VAT1L: variants seen among roughly 807,000 people sequenced by gnomAD.
VAT1L encodes putative NADPH-dependent quinone oxidoreductase VAT1L.
A neutral mutation model predicts 44.1 loss-of-function variants in VAT1L; 34 were observed. The observed-to-expected ratio is 0.77, with a 90% CI of 0.59 to 1.03. The LOEUF (loss-of-function observed/expected upper bound fraction) is 1.03, where lower values mean the gene tolerates loss of function less well. Ranked by LOEUF, VAT1L falls within the 50% of genes least tolerant of loss-of-function variation. The probability of loss-of-function intolerance (pLI) is 0.00; values close to 1 mark genes in which losing one functional copy is unlikely to be tolerated. For synonymous variants in VAT1L, 253 were observed against 202.2 expected (o/e 1.25, Z -2.13); for missense variants, 615 against 538.8 (o/e 1.14, Z -1.40).
chr16:77,821,082 GTTAC>G (rs1413358941), intron 2 of VAT1L, among the ~76,000 whole-genome samples: 1 of 152,136 alleles, frequency 6.6e-6, no homozygotes, highest in African/African-American at 2.4e-5. Flanking sequence ...ACAACGTTCA[GTTAC>G]TTGTAATTAT....
chr16:77,872,858 AG>A (rs2017046790), intron 4 of VAT1L, among the ~76,000 whole-genome samples: 1 of 152,214 alleles, frequency 6.6e-6, no homozygotes, highest in Non-Finnish European at 1.5e-5. Flanking sequence ...CACAGTGCCT[AG>A]CATGTAGTAA....
At chr16:77,842,830 A>T (rs2145261080) in intron 3 of VAT1L, among the ~76,000 whole-genome samples, 1 of 152,354 alleles carries the variant, frequency 6.6e-6, no homozygotes, top group East Asian at 1.9e-4. Flanking sequence ...GCAATTTTTC[A>T]AATTTTACCA....
chr16:77,906,618 G>C (rs1206527589), intron 7 of VAT1L, among the ~76,000 whole-genome samples: 1 of 152,210 alleles, frequency 6.6e-6, no homozygotes, highest in African/African-American at 2.4e-5. Context: ...ACTGGTGTTT[G>C]ATCCCAATCC....
At chr16:77,843,581 C>T (rs2016728833) in intron 3 of VAT1L, among the ~76,000 whole-genome samples, 1 of 152,172 alleles carries the variant, frequency 6.6e-6, no homozygotes, top group South Asian at 2.1e-4. Flanking sequence ...GTCAGGAATG[C>T]ATTAAGAACG....
intron 7 of VAT1L, among the ~76,000 whole-genome samples, chr16:77,893,076 G>T (rs572098488): frequency 1.3e-5 from 2 of 152,198 alleles, no homozygotes; most frequent in African/African-American, 4.8e-5. Flanking sequence ...ATGCCTGGCT[G>T]GATTGCAGAG....
At chr16:77,837,108 G>C (rs1206874400) in intron 3 of VAT1L, among the ~76,000 whole-genome samples, 1 of 152,178 alleles carries the variant, frequency 6.6e-6, no homozygotes, top group Non-Finnish European at 1.5e-5. Context: ...TGGGCTGACA[G>C]GTAGGCAGTG....
chr16:77,938,697 A>G (rs73568614), intron 7 of VAT1L, among the ~76,000 whole-genome samples: 2 of 152,182 alleles, frequency 1.3e-5, no homozygotes, highest in East Asian at 1.9e-4. Context: ...TGCCAGCCTC[A>G]TGCTTCCTGT....
chr16:77,970,079 A>G (rs927020662), intron 7 of VAT1L, among the ~76,000 whole-genome samples: 8 of 149,154 alleles, frequency 5.4e-5, no homozygotes, highest in African/African-American at 2.0e-4. Flanking sequence ...AAAAAAAGGC[A>G]AAAAATTAGC....
chr16:77,905,424 G>GT (rs2017427606), intron 7 of VAT1L, among the ~76,000 whole-genome samples: 1 of 152,040 alleles, frequency 6.6e-6, no homozygotes, highest in South Asian at 2.1e-4. Flanking sequence ...TGACAGGGAG[G>GT]TTTTTTCAGA....
chr16:77,894,333 C>T (rs1280459876), intron 7 of VAT1L, among the ~76,000 whole-genome samples: 3 of 152,198 alleles, frequency 2.0e-5, no homozygotes, highest in Admixed American at 1.3e-4. Flanking sequence ...TTGGCCCAGG[C>T]TCATTGTTGA....
chr16:77,908,375 T>C, intron 7 of VAT1L, among the ~76,000 whole-genome samples: 1 of 140,070 alleles, frequency 7.1e-6, no homozygotes. Context: ...GGCAGGAGAA[T>C]CTTGCTTGAA....
At chr16:77,799,069 CG>C (rs2015991963) in intron 1 of VAT1L, among the ~76,000 whole-genome samples, 1 of 109,462 alleles carries the variant, frequency 9.1e-6, no homozygotes, top group African/African-American at 3.7e-5. Context: ...CTGCAGCTGC[CG>C]TGTGAAAATT....
intron 4 of VAT1L, among the ~76,000 whole-genome samples, chr16:77,864,967 CTTTTTTT>C (rs869037679): frequency 3.4e-4 from 32 of 95,394 alleles, no homozygotes; most frequent in African/African-American, 1.3e-3. Flanking sequence ...TCTTCTTATC[CTTTTTTT>C]TTTTTTTTTT....
chr16:77,932,248 C>T (rs868685132), intron 7 of VAT1L, among the ~76,000 whole-genome samples: 40 of 151,814 alleles, frequency 2.6e-4, no homozygotes, highest in Middle Eastern at 3.4e-3. Flanking sequence ...GGACTACAGG[C>T]GCCCGCCACC....
At chr16:77,974,033 A>T (rs1202396050) in intron 8 of VAT1L, among the ~76,000 whole-genome samples, 2 of 152,204 alleles carry the variant, frequency 1.3e-5, no homozygotes, top group African/African-American at 4.8e-5. Flanking sequence ...GTGTATTTTT[A>T]AAAGTATTTC....
intron 7 of VAT1L, among the ~76,000 whole-genome samples, chr16:77,929,772 G>A (rs535193398): frequency 1.3e-5 from 2 of 152,292 alleles, no homozygotes; most frequent in South Asian, 2.1e-4. Context: ...AACATTTACA[G>A]GTTAAGCAAA....
At chr16:77,854,313 GACAAACA>G (rs538813354) in intron 3 of VAT1L, among the ~76,000 whole-genome samples, 25 of 152,234 alleles carry the variant, frequency 1.6e-4, no homozygotes, top group African/African-American at 6.0e-4. Context: ...GCTTTGCAGT[GACAAACA>G]AAGAAAAAGA....
rs540935787 is a variant in VAT1L, at chr16:77,794,978, C to T, written c.233+6063C>T. Among the ~76,000 whole-genome samples the T allele has an allele frequency of 1.8e-4, 27 of 152,164 alleles. No homozygotes were observed. In the South Asian group the frequency reaches 5.4e-3, roughly 30 times the overall value. On this transcript the variant is annotated intron_variant, in intron 1 of 8. Transcript: ENST00000302536. ...TGAAATGGGCTTCTTGCTTTTCTGG[C>T]GATTTGAAGAGGAAAGGAAACCTAG...
rs558763603 is a variant in VAT1L at position 77,967,217 on chromosome 16, C to T, written c.1078-4633C>T. On this transcript the variant is annotated intron_variant, in intron 7 of 8. Transcript: ENST00000302536. ...CTCAGATCCCCCATGGTTCTCACCA[C>T]CTTTCAGATGGGCACCAGAGGCAAG... Among the ~76,000 whole-genome samples the T allele has an allele frequency of 2.0e-5, 3 of 152,288 alleles. No individual in the cohort carries two copies. The South Asian group carries it at 6.2e-4, about 32-fold the overall frequency.
Sources: gnomAD v4.1 joint callset for allele counts (sites outside exome capture counted in the v4.1 genomes callset) on GRCh38, gnomAD v4.1.1 for gene constraint, MANE v1.5 for transcripts, NCBI Gene and HGNC (gene_info 2026-07-23, HGNC 2026-07-21) for gene names.